RNGTT: variants seen among roughly 807,000 people sequenced by gnomAD.
RNGTT encodes the protein RNA guanylyltransferase and 5'-phosphatase.
A neutral mutation model predicts 79.3 loss-of-function variants in RNGTT; 33 were observed. The ratio of observed to expected loss-of-function variants is 0.42; its 90% CI spans 0.32 to 0.56. RNGTT has a LOEUF of 0.56. Ranked by LOEUF, RNGTT falls within the 20% of genes least tolerant of loss-of-function variation. The pLI is 0.17. For synonymous variants in RNGTT, 222 were observed against 235.9 expected (o/e 0.94, Z 0.54); for missense variants, 497 against 739.1 (o/e 0.67, Z 3.80).
At chr6:88,650,124 T>C (rs1773742573) in intron 14 of RNGTT, among the ~76,000 whole-genome samples, 1 of 152,240 alleles carries the variant, frequency 6.6e-6, no homozygotes, top group Admixed American at 6.5e-5. Context: ...CTGCACGGAA[T>C]AGCATGGAAG....
At chr6:88,640,685 G>A (rs995203503) in intron 14 of RNGTT, among the ~76,000 whole-genome samples, 3 of 152,122 alleles carry the variant, frequency 2.0e-5, no homozygotes, top group African/African-American at 7.2e-5. Context: ...AATGAGGATT[G>A]AGGATTAGAG....
chr6:88,930,581 G>A (rs572032185), intron 2 of RNGTT, among the ~76,000 whole-genome samples: 26 of 152,108 alleles, frequency 1.7e-4, no homozygotes, highest in African/African-American at 5.3e-4. Flanking sequence ...TAAAACGAAC[G>A]CATATAAAAT....
intron 4 of RNGTT, among the ~76,000 whole-genome samples, chr6:88,911,829 G>A (rs1783837222): frequency 6.6e-6 from 1 of 152,102 alleles, no homozygotes; most frequent in Admixed American, 6.6e-5. Context: ...AGTGGCTCAT[G>A]CCTGTACTTC....
intron 14 of RNGTT, among the ~76,000 whole-genome samples, chr6:88,635,936 G>A (rs1021810080): frequency 1.3e-5 from 2 of 151,978 alleles, no homozygotes; most frequent in Non-Finnish European, 2.9e-5. Flanking sequence ...AGGGTTCTCA[G>A]CCTTCTCTTC....
At chr6:88,658,676 C>T (rs1251520849) in intron 14 of RNGTT, among the ~76,000 whole-genome samples, 2 of 152,160 alleles carry the variant, frequency 1.3e-5, no homozygotes, top group East Asian at 3.8e-4. Flanking sequence ...AAAGGCAGAC[C>T]TACCCTCAAT....
intron 12 of RNGTT, 72 bp from the exon 13 acceptor site, chr6:88,769,946 A>AT (rs1196185187): frequency 3.9e-6 from 4 of 1,016,700 alleles, no homozygotes; most frequent in Non-Finnish European, 5.8e-6. Flanking sequence ...ATTAAACCTA[A>AT]TGTAACTTTT....
intron 14 of RNGTT, among the ~76,000 whole-genome samples, chr6:88,671,398 G>A (rs2127786678): frequency 6.6e-6 from 1 of 152,280 alleles, no homozygotes; most frequent in South Asian, 2.1e-4. Flanking sequence ...CCTAACAAAG[G>A]AGGTGAAAGA....
intron 13 of RNGTT, among the ~76,000 whole-genome samples, chr6:88,736,830 C>T (rs1777303465): frequency 6.6e-6 from 1 of 152,198 alleles, no homozygotes; most frequent in East Asian, 1.9e-4. Flanking sequence ...ATACAACCAT[C>T]AGGTGGTGAA....
At chr6:88,815,836 C>A (rs1221350326) in intron 11 of RNGTT, among the ~76,000 whole-genome samples, 3 of 152,102 alleles carry the variant, frequency 2.0e-5, no homozygotes, top group Non-Finnish European at 4.4e-5. Flanking sequence ...CACTGGGATA[C>A]CAAATGGCAT....
chr6:88,635,253 C>T (rs985788768), intron 14 of RNGTT, among the ~76,000 whole-genome samples: 4 of 151,948 alleles, frequency 2.6e-5, no homozygotes, highest in Admixed American at 1.3e-4. Context: ...CATGTATATG[C>T]GATGTTTATG....
At chr6:88,760,942 T>A (rs1364218799) in intron 13 of RNGTT, among the ~76,000 whole-genome samples, 1 of 149,374 alleles carries the variant, frequency 6.7e-6, no homozygotes, top group African/African-American at 2.5e-5. Context: ...CTCCTAGGGC[T>A]CAAGCAATCC....
chr6:88,625,080 A>T (rs1454724932), intron 14 of RNGTT, among the ~76,000 whole-genome samples: 2 of 151,974 alleles, frequency 1.3e-5, no homozygotes, highest in Non-Finnish European at 2.9e-5. Flanking sequence ...ACAATATCAA[A>T]GTGTTGACAA....
At chr6:88,892,472 T>C (rs964910724) in intron 6 of RNGTT, among the ~76,000 whole-genome samples, 1 of 151,882 alleles carries the variant, frequency 6.6e-6, no homozygotes, top group Non-Finnish European at 1.5e-5. Context: ...GTAGGCAAAG[T>C]GGCTAAGCCA....
In RNGTT at chr6:88,818,687, A is replaced by G. The variant is rs892387216; in HGVS notation, c.1270-17055T>C. Among the ~76,000 whole-genome samples the G allele has an allele frequency of 1.3e-5, 2 of 152,262 alleles. 1 individual carries two copies. Among genetic ancestry groups the G allele is most frequent in the African/African-American group, 4.8e-5 (2 of 41,472 alleles). On this transcript the variant is annotated intron_variant, in intron 11 of 15. Transcript: ENST00000369485. Reference sequence around the variant, plus strand: ...AGGCTATGAAATTAACTACCAATTCATTACGAGTATGATAAACCCAGTTTA... The same window carrying G: ...AGGCTATGAAATTAACTACCAATTCGTTACGAGTATGATAAACCCAGTTTA...
At chr6:88,785,579 A>T (rs1238069700) in intron 12 of RNGTT, among the ~76,000 whole-genome samples, 1 of 152,158 alleles carries the variant, frequency 6.6e-6, no homozygotes, top group Non-Finnish European at 1.5e-5. Flanking sequence ...TAAAAGTAAC[A>T]CATTTTGAGA....
At chr6:88,749,014 A>G (rs1434086324) in intron 13 of RNGTT, among the ~76,000 whole-genome samples, 1 of 152,086 alleles carries the variant, frequency 6.6e-6, no homozygotes, top group Non-Finnish European at 1.5e-5. Flanking sequence ...CGAACAGCTG[A>G]TTTGTCGACA....
chr6:88,880,783 T>G (rs1782671896), intron 8 of RNGTT, among the ~76,000 whole-genome samples: 1 of 152,182 alleles, frequency 6.6e-6, no homozygotes, highest in Non-Finnish European at 1.5e-5. Flanking sequence ...GAAAATTAAT[T>G]CTAAAATTTT....
chr6:88,826,906 G>T (rs9342164), intron 11 of RNGTT, among the ~76,000 whole-genome samples: 5,402 of 147,546 alleles, frequency 0.037, 156 homozygotes, highest in African/African-American at 0.074. Context: ...TTAATGTGCT[G>T]GAACTAAATA....
At position 88,943,864 on chromosome 6, in the gene RNGTT, C is replaced by T. The variant is rs11970335; in HGVS notation, c.65-2684G>A. 4.8e-3 allele frequency among the ~76,000 whole-genome samples: 725 copies of T among 152,270 alleles called. 2 individuals carry two copies. Among genetic ancestry groups the T allele is most frequent in the African/African-American group, 0.017 (687 of 41,546 alleles). ...GCTCTGCCCCCATTACCCAGTCACA[C>T]TCACCTGAGAAAAATCCAGACCTCA... On this transcript the variant is annotated intron_variant, in intron 1 of 15. Transcript: ENST00000369485.
Sources: allele counts gnomAD v4.1 joint callset (sites outside exome capture counted in the v4.1 genomes callset), GRCh38; gene constraint gnomAD v4.1.1; transcripts MANE v1.5; gene names NCBI Gene and HGNC (gene_info 2026-07-23, HGNC 2026-07-21).